SCN1A: variants seen among roughly 807,000 people sequenced by gnomAD.
SCN1A encodes the protein sodium voltage-gated channel alpha subunit 1.
Under a neutral mutation model 193.7 loss-of-function variants are expected in SCN1A, and 13 were observed. The observed-to-expected ratio is 0.07, with a 90% CI of 0.04 to 0.11. The LOEUF is 0.11. Among genes scored for constraint, SCN1A ranks in the 10% least tolerant of loss-of-function variants. The pLI is 1.00. For missense variants in SCN1A, 1,432 were observed against 2,451.1 expected (o/e 0.58, Z 8.78); for synonymous variants, 781 against 843.6 (o/e 0.93, Z 1.29).
At chr2:166,043,628 T>C (rs761281447) in intron 14 of SCN1A, 41 bp downstream of exon 14, 2 of 1,568,742 alleles carry the variant, frequency 1.3e-6, no homozygotes, top group Non-Finnish European at 8.6e-7. Context: ...GGTGCAGCAA[T>C]AGTGAGCCAG....
chr2:166,136,009 C>T (rs898425194), intron 1 of SCN1A, among the ~76,000 whole-genome samples: 1 of 152,214 alleles, frequency 6.6e-6, no homozygotes, highest in Non-Finnish European at 1.5e-5. Flanking sequence ...ACAGATTCTT[C>T]TGCTCATTAT....
chr2:166,013,987 T>G, intron 20 of SCN1A, 89 bp from the exon 21 acceptor site: 3 of 1,439,434 alleles, frequency 2.1e-6, no homozygotes, highest in South Asian at 2.3e-5. Flanking sequence ...TTTTTATTAC[T>G]ATGCTCATCT....
At chr2:166,142,148 A>C (rs528793923) in intron 1 of SCN1A, among the ~76,000 whole-genome samples, 3 of 152,184 alleles carry the variant, frequency 2.0e-5, no homozygotes, top group South Asian at 4.1e-4. Context: ...GAGTCTGGAG[A>C]GGTAGGCAGA....
Position 166,007,711 on chromosome 2 carries a change from G to A in SCN1A, c.4002+2008C>T, listed in dbSNP as rs1394084278. On this transcript the variant is annotated intron_variant, in intron 23 of 28. Transcript: ENST00000674923. The stretch of plus-strand genomic sequence containing the variant: ...CTTTATTCAGTAATGTTGCATAAAA[G>A]CACATGCTTTGAAAAAATAACAGAA... Among the ~76,000 whole-genome samples, 6 of 151,288 alleles carry A rather than the reference G, an allele frequency of 4.0e-5. No homozygotes were observed. Among genetic ancestry groups the A allele is most frequent in the Non-Finnish European group, 1.5e-5 (1 of 67,522 alleles).
rs79035974 is a variant in SCN1A, at chr2:166,019,674, T to C, written c.3430-3947A>G. Among the ~76,000 whole-genome samples the C allele has an allele frequency of 6.8e-3, 1,032 of 152,272 alleles. 10 individuals are homozygous for C. Among genetic ancestry groups the C allele is most frequent in the East Asian group, 0.051 (264 of 5,162 alleles). ...TTGTTACCTTTTCTTTGTTTAACTA[T>C]AAATAAAAATGGCCATCCTCATTCT... On this transcript the variant is annotated intron_variant, in intron 19 of 28. Transcript: ENST00000674923.
At chr2:166,001,854 G>A (rs1238038508) in intron 24 of SCN1A, among the ~76,000 whole-genome samples, 2 of 130,984 alleles carry the variant, frequency 1.5e-5, no homozygotes, top group East Asian at 2.4e-4. Context: ...TTTGTTTCTA[G>A]TTGCTTCCAG....
At position 166,035,174 on chromosome 2, in the gene SCN1A, A is replaced by G. The variant is rs138613480; in HGVS notation, c.3429+874T>C. Among the ~76,000 whole-genome samples, 479 of 152,162 alleles carry G rather than the reference A, an allele frequency of 3.1e-3. 3 individuals carry two copies. Among genetic ancestry groups the G allele is most frequent in the African/African-American group, 0.011 (447 of 41,496 alleles). On this transcript the variant is annotated intron_variant, in intron 19 of 28. Coordinates refer to ENST00000674923, the MANE Select transcript of SCN1A (RefSeq NM_001165963.4). The stretch of plus-strand genomic sequence containing the variant: ...CTTGTAAACAAGGGCTCTAAGTTCA[A>G]CTCTCGGCACTCCCCTCACTAGCTA...
chr2:166,002,953 G>A, intron 23 of SCN1A, 200 bp from the exon 24 acceptor site: 3 of 413,178 alleles, frequency 7.3e-6, no homozygotes, highest in Non-Finnish European at 1.3e-5. Flanking sequence ...AACAACTATA[G>A]GCAATATAAC....
chr2:166,028,512 TGA>T (rs1480526205), intron 19 of SCN1A, among the ~76,000 whole-genome samples: 2 of 152,170 alleles, frequency 1.3e-5, no homozygotes. Flanking sequence ...CAGAGAAACT[TGA>T]GTTTGAATCA....
In SCN1A at chr2:166,012,274, T is replaced by G. The variant is rs121917973; in HGVS notation, c.3714A>C (p.Glu1238Asp). Residue 1238 changes from glutamate (E) to aspartate (D), a missense_variant, in exon 22 of 29, where the codon GAA becomes GAC. Coordinates refer to ENST00000674923, the MANE Select transcript of SCN1A (RefSeq NM_001165963.4). ...ILLSSGALAF[E>D]DIYIDQRKTI... ...TCTTTCGCTGATCAATATATATATC[T>G]TCAAATGCCTATAAAGAAAATGTTA... 2.1e-5 allele frequency: 33 copies of G among 1,606,018 alleles called. No homozygotes were observed. Among genetic ancestry groups the G allele is most frequent in the Admixed American group, 2.0e-4 (12 of 59,480 alleles).
At chr2:166,120,306 C>T (rs1278843085) in intron 2 of SCN1A, among the ~76,000 whole-genome samples, 1 of 150,742 alleles carries the variant, frequency 6.6e-6, no homozygotes, top group African/African-American at 2.4e-5. Context: ...AACAGAAATC[C>T]TAATTCTATA....
intron 2 of SCN1A, among the ~76,000 whole-genome samples, chr2:166,086,508 C>CCCA (rs948765741): frequency 1.3e-3 from 196 of 152,174 alleles, no homozygotes; most frequent in African/African-American, 4.6e-3. Context: ...ATTCATGACT[C>CCCA]CTCCTATAAC....
At chr2:166,146,744 TA>T (rs989430592) in intron 1 of SCN1A, among the ~76,000 whole-genome samples, 1 of 152,198 alleles carries the variant, frequency 6.6e-6, no homozygotes, top group African/African-American at 2.4e-5. Flanking sequence ...AACAAACAGA[TA>T]AGTCCTCTAG....
Position 166,078,476 on chromosome 2 carries a change from GCT to G in SCN1A, c.-141-677_-141-676del, listed in dbSNP as rs200211482. Among the ~76,000 whole-genome samples, 157 of 150,766 alleles carry G rather than the reference GCT, an allele frequency of 1.0e-3. 3 individuals are homozygous for G. In the East Asian group the frequency reaches 0.011, roughly 11 times the overall value. ...TGCGAGATATTGATAGTTGGGGGAG[GCT>G]CTGCGTGTGTAGAGAAAGGGGAAAC... On this transcript the variant is annotated intron_variant, in intron 2 of 28. Transcript: ENST00000674923.
chr2:166,122,281 G>A (rs906756220), intron 2 of SCN1A, among the ~76,000 whole-genome samples: 1 of 152,104 alleles, frequency 6.6e-6, no homozygotes, highest in Admixed American at 6.5e-5. Context: ...TGTAACTTTG[G>A]GAAAGCATGT....
chr2:166,028,794 T>C (rs968424381), intron 19 of SCN1A, among the ~76,000 whole-genome samples: 1 of 152,096 alleles, frequency 6.6e-6, no homozygotes, highest in Non-Finnish European at 1.5e-5. Flanking sequence ...AAAAATAAAA[T>C]AGTGAACATA....
intron 26 of SCN1A, 110 bp from the exon 27 acceptor site, chr2:165,996,227 T>A: frequency 1.5e-6 from 1 of 665,634 alleles, no homozygotes; most frequent in Non-Finnish European, 2.6e-6. Context: ...ATTCAACTGA[T>A]TAGTATAATT....
chr2:166,089,736 C>G (rs1686570628), intron 2 of SCN1A, among the ~76,000 whole-genome samples: 1 of 151,998 alleles, frequency 6.6e-6, no homozygotes, highest in Admixed American at 6.6e-5. Flanking sequence ...GTGGTACTGA[C>G]AGAAAAAACT....
intron 2 of SCN1A, among the ~76,000 whole-genome samples, chr2:166,125,328 G>A (rs1303592903): frequency 5.9e-5 from 9 of 152,174 alleles, no homozygotes; most frequent in Non-Finnish European, 1.0e-4. Context: ...GTGCCCTTTG[G>A]CGAGTACAGG....
Sources: allele counts gnomAD v4.1 joint callset (sites outside exome capture counted in the v4.1 genomes callset), GRCh38; gene constraint gnomAD v4.1.1; transcripts MANE v1.5; gene names NCBI Gene and HGNC (gene_info 2026-07-23, HGNC 2026-07-21).